DPH6: variants seen among roughly 807,000 people sequenced by gnomAD.
The protein encoded by DPH6 is diphthine--ammonia ligase.
Under a neutral mutation model 38.2 loss-of-function variants are expected in DPH6, and 33 were observed. That is an observed-to-expected ratio of 0.86 (90% CI 0.65 to 1.15). The LOEUF is 1.15. Ranked by LOEUF, DPH6 falls within the 50% of genes most tolerant of loss-of-function variation. The probability of loss-of-function intolerance (pLI) is 0.00; values close to 1 mark genes in which losing one functional copy is unlikely to be tolerated. For synonymous variants in DPH6, 108 were observed against 103.0 expected, an observed-to-expected ratio of 1.05 and a Z score of -0.30; for missense variants, 325 against 320.0, an observed-to-expected ratio of 1.02 and a Z score of -0.12.
intron 6 of DPH6, chr15:35,401,086 AG>A: frequency 5.5e-6 from 5 of 907,648 alleles, no homozygotes; most frequent in Non-Finnish European, 9.1e-6. Context: ...ATTGAAGAAA[AG>A]GGGCTTTGCC....
At chr15:35,296,272 C>G (rs979055178) in intron 3 of DPH6, among the ~76,000 whole-genome samples, 1 of 152,138 alleles carries the variant, frequency 6.6e-6, no homozygotes, top group East Asian at 1.9e-4. Flanking sequence ...TTTTGAAACA[C>G]TGGTTGGCCT....
intron 3 of DPH6, among the ~76,000 whole-genome samples, chr15:35,511,033 T>C (rs1353875607): frequency 2.6e-5 from 4 of 152,200 alleles, no homozygotes; most frequent in South Asian, 2.1e-4. Context: ...ACCTGACTAC[T>C]CAAAATGCAA....
chr15:35,376,489 ATGT>A (rs779962923), intron 7 of DPH6, among the ~76,000 whole-genome samples: 12 of 152,152 alleles, frequency 7.9e-5, no homozygotes, highest in Non-Finnish European at 1.2e-4. Flanking sequence ...AGCTGTCATA[ATGT>A]TGTAGCACAA....
At chr15:35,473,424 G>A (rs2054221454) in intron 3 of DPH6, among the ~76,000 whole-genome samples, 1 of 152,050 alleles carries the variant, frequency 6.6e-6, no homozygotes, top group African/African-American at 2.4e-5. Flanking sequence ...GCCTAGATCA[G>A]AAATAACATA....
the DPH6 span, among the ~76,000 whole-genome samples, chr15:35,198,716 G>A: frequency 6.6e-6 from 1 of 152,126 alleles, no homozygotes; most frequent in Non-Finnish European, 1.5e-5. Context: ...TAGTGTAACA[G>A]GCCCAAAAGT....
chr15:35,310,995 G>A lies in DPH6; in HGVS notation n.200+62526C>T, dbSNP rs1950809523. ...AATCGCTTGAACCCGGGAGGAGGAG[G>A]TTGCAGTGAGCCGAGATCACTCCAT... is the stretch of plus-strand genomic sequence containing the variant. On this transcript the variant is annotated intron_variant and non_coding_transcript_variant, in intron 3 of 3. Coordinates refer to the DPH6 transcript ENST00000560386. Among the ~76,000 whole-genome samples, 5 of 151,664 alleles carry A rather than the reference G, an allele frequency of 3.3e-5. No homozygotes were observed. The South Asian group carries it at 1.0e-3, about 32-fold the overall frequency.
At chr15:35,317,257 G>GA (rs1295647446) in intron 3 of DPH6, among the ~76,000 whole-genome samples, 1 of 137,262 alleles carries the variant, frequency 7.3e-6, no homozygotes, top group Non-Finnish European at 1.5e-5. Context: ...GAGAGACTCT[G>GA]AAAAAAAGAA....
At chr15:35,481,753 A>G (rs1221764779) in intron 3 of DPH6, among the ~76,000 whole-genome samples, 1 of 152,172 alleles carries the variant, frequency 6.6e-6, no homozygotes, top group East Asian at 1.9e-4. Context: ...GTTATAACTT[A>G]ATTGTAGCTG....
chr15:35,426,016 G>A (rs1272884445), intron 5 of DPH6, among the ~76,000 whole-genome samples: 3 of 151,204 alleles, frequency 2.0e-5, no homozygotes, highest in Non-Finnish European at 4.4e-5. Context: ...TGAGCAAATA[G>A]AGACTCTCTT....
intron 3 of DPH6, among the ~76,000 whole-genome samples, chr15:35,518,379 A>C (rs1346161372): frequency 6.6e-6 from 1 of 152,070 alleles, no homozygotes; most frequent in African/African-American, 2.4e-5. Context: ...GTATAGCTAG[A>C]AAACACAAAT....
chr15:35,206,028 T>C, the DPH6 span, among the ~76,000 whole-genome samples: 3 of 152,066 alleles, frequency 2.0e-5, no homozygotes, highest in African/African-American at 7.2e-5. Context: ...AGTAACAGAT[T>C]TGGTAGTATT....
intron 3 of DPH6, among the ~76,000 whole-genome samples, chr15:35,347,034 AT>A (rs1324079139): frequency 6.6e-6 from 1 of 152,056 alleles, no homozygotes; most frequent in Non-Finnish European, 1.5e-5. Flanking sequence ...AATCTTGAGT[AT>A]TTTTAAGTGT....
chr15:35,501,734 C>T (rs2054630535), intron 3 of DPH6, among the ~76,000 whole-genome samples: 1 of 151,964 alleles, frequency 6.6e-6, no homozygotes, highest in Non-Finnish European at 1.5e-5. Context: ...ATAATTATTA[C>T]CTTTCTAGAG....
chr15:35,363,332 T>G (rs552687560), intron 3 of DPH6, among the ~76,000 whole-genome samples: 1 of 152,190 alleles, frequency 6.6e-6, no homozygotes, highest in Non-Finnish European at 1.5e-5. Context: ...ATATACAAAT[T>G]AAGAATTGTT....
intron 3 of DPH6, among the ~76,000 whole-genome samples, chr15:35,494,912 C>T (rs1215955309): frequency 1.3e-5 from 2 of 151,904 alleles, no homozygotes; most frequent in Non-Finnish European, 2.9e-5. Flanking sequence ...AGGCTTTCAC[C>T]CTAAAATCAG....
chr15:35,203,721 T>G, the DPH6 span, among the ~76,000 whole-genome samples: 1 of 151,768 alleles, frequency 6.6e-6, no homozygotes, highest in Admixed American at 6.6e-5. Flanking sequence ...ATGAATCACA[T>G]GATTTCATAC....
chr15:35,520,914 C>G (rs2054914488), intron 3 of DPH6: 1 of 985,074 alleles, frequency 1.0e-6, no homozygotes, highest in African/African-American at 1.7e-5. Flanking sequence ...TTTTGTCACT[C>G]TCAAAATTCC....
chr15:35,533,856 G>C (rs1426925454), intron 3 of DPH6, among the ~76,000 whole-genome samples: 1 of 152,012 alleles, frequency 6.6e-6, no homozygotes, highest in South Asian at 2.1e-4. Flanking sequence ...TCTACTGTTT[G>C]CATGGAAGAG....
chr15:35,440,775 G>C (rs2141056700), intron 5 of DPH6, among the ~76,000 whole-genome samples: 1 of 152,304 alleles, frequency 6.6e-6, no homozygotes, highest in Admixed American at 6.5e-5. Flanking sequence ...TGCACCAAAA[G>C]CAATGGCAAC....
Sources: gnomAD v4.1 joint callset for allele counts (sites outside exome capture counted in the v4.1 genomes callset) on GRCh38, gnomAD v4.1.1 for gene constraint, MANE v1.5 for transcripts, NCBI Gene and HGNC (gene_info 2026-07-23, HGNC 2026-07-21) for gene names.